PROM1: variants seen among roughly 807,000 people sequenced by gnomAD.
PROM1 encodes prominin-1.
PROM1 carries 105 observed loss-of-function variants against 116.9 expected under a neutral mutation model. The observed-to-expected ratio is 0.90, with a 90% confidence interval of 0.77 to 1.06. The LOEUF (loss-of-function observed/expected upper bound fraction) is 1.06. Ranked by LOEUF, PROM1 falls within the 50% of genes least tolerant of loss-of-function variation. The probability of loss-of-function intolerance (pLI) is 0.00; values close to 1 mark genes in which losing one functional copy is unlikely to be tolerated. For missense variants in PROM1, 1,122 were observed against 1,045.2 expected (o/e 1.07, Z -1.01); for synonymous variants, 393 against 387.0 (o/e 1.02, Z -0.18).
chr4:15,988,480 G>C (rs1382639749), intron 19 of PROM1, among the ~76,000 whole-genome samples: 1 of 152,218 alleles, frequency 6.6e-6, no homozygotes, highest in Non-Finnish European at 1.5e-5. Context: ...AGCAGCCACA[G>C]AGAGTTTGCA....
intron 13 of PROM1, among the ~76,000 whole-genome samples, chr4:16,001,409 C>T (rs1723813745): frequency 6.6e-6 from 1 of 152,104 alleles, no homozygotes; most frequent in Non-Finnish European, 1.5e-5. Flanking sequence ...GCAGCTTAGC[C>T]ATGGTCATTT....
chr4:15,998,347 A>G, intron 15 of PROM1, 38 bp downstream of exon 15: 1 of 1,523,904 alleles, frequency 6.6e-7, no homozygotes, highest in Non-Finnish European at 8.8e-7. Context: ...GAAAAAGAAC[A>G]TCTTAAATAG....
chr4:15,983,516 G>A (rs930633203), intron 23 of PROM1, among the ~76,000 whole-genome samples: 42 of 152,214 alleles, frequency 2.8e-4, no homozygotes, highest in Non-Finnish European at 4.4e-5. Context: ...AAGCGGAAGA[G>A]GAGAGAGAAA....
intron 13 of PROM1, 76 bp downstream of exon 13, chr4:16,006,462 A>C: frequency 6.8e-7 from 1 of 1,463,414 alleles, no homozygotes; most frequent in Non-Finnish European, 9.1e-7. Context: ...CGCCGGGTTC[A>C]TGTAACACCA....
intron 2 of PROM1, among the ~76,000 whole-genome samples, chr4:16,054,742 G>T (rs1002326387): frequency 3.3e-5 from 5 of 152,020 alleles, no homozygotes; most frequent in African/African-American, 1.2e-4. Flanking sequence ...CTTCAATCCA[G>T]CCAGATCCCC....
Position 15,978,366 on chromosome 4 carries a change from T to G in PROM1, c.2582+1029A>C, listed in dbSNP as rs530332612. 2.2e-4 allele frequency among the ~76,000 whole-genome samples: 33 copies of G among 152,340 alleles called. No homozygotes were observed. In the East Asian group the frequency reaches 6.0e-3, roughly 28 times the overall value. On this transcript the variant is annotated intron_variant, in intron 26 of 27. Transcript: ENST00000447510. ...ATTTACCTCTTGAAAGGACAAATTT[T>G]AATGACTTTCTGGTTCTGTTCATCT...
intron 2 of PROM1, among the ~76,000 whole-genome samples, chr4:16,075,384 T>A (rs1743735605): frequency 6.6e-6 from 1 of 152,220 alleles, no homozygotes; most frequent in African/African-American, 2.4e-5. Context: ...TTACCTTTGG[T>A]AAGTGCCTTA....
At chr4:16,018,655 G>A in intron 8 of PROM1, 115 bp from the exon 9 acceptor site, 1 of 864,220 alleles carries the variant, frequency 1.2e-6, no homozygotes, top group East Asian at 2.7e-5. Flanking sequence ...GCAGTGAGAG[G>A]GACACACTGC....
At chr4:15,980,041 G>A (rs935394533) in intron 24 of PROM1, 137 bp from the exon 25 acceptor site, 12 of 633,650 alleles carry the variant, frequency 1.9e-5, no homozygotes, top group Non-Finnish European at 2.7e-5. Flanking sequence ...TGAAAGATAA[G>A]TGAAGTGAAA....
At chr4:15,977,091 C>T (rs28368479) in intron 26 of PROM1, among the ~76,000 whole-genome samples, 3,348 of 152,274 alleles carry the variant, frequency 0.022, 119 homozygotes, top group African/African-American at 0.076. Context: ...ACTTCTCCCC[C>T]TTTTTTTCAC....
At chr4:15,994,470 T>C (rs1721826511) in intron 15 of PROM1, among the ~76,000 whole-genome samples, 1 of 152,210 alleles carries the variant, frequency 6.6e-6, no homozygotes, top group South Asian at 2.1e-4. Flanking sequence ...ATGAAGCTCC[T>C]GCCAAGAACA....
intron 8 of PROM1, among the ~76,000 whole-genome samples, chr4:16,020,817 C>T (rs1468375530): frequency 6.6e-6 from 1 of 152,098 alleles, no homozygotes. Flanking sequence ...ACATGTTTTC[C>T]AAAAGCTTCA....
intron 5 of PROM1, among the ~76,000 whole-genome samples, chr4:16,027,496 A>G (rs557734606): frequency 3.3e-5 from 5 of 152,280 alleles, no homozygotes; most frequent in Admixed American, 2.6e-4. Flanking sequence ...GATTCCAGAT[A>G]CAAGAAGTCA....
chr4:16,081,340 G>C (rs1226477051), intron 1 of PROM1, among the ~76,000 whole-genome samples: 2 of 152,008 alleles, frequency 1.3e-5, no homozygotes, highest in African/African-American at 4.8e-5. Flanking sequence ...AGCTGAAACT[G>C]GATCCCTTCC....
intron 24 of PROM1, 39 bp from the exon 25 acceptor site, chr4:15,979,943 T>TA (rs1560387856): frequency 8.0e-7 from 1 of 1,248,272 alleles, no homozygotes; most frequent in Non-Finnish European, 1.1e-6. Flanking sequence ...TTAATTTTTT[T>TA]AATTATTATG....
chr4:16,070,093 T>C (rs1742467426), intron 2 of PROM1, among the ~76,000 whole-genome samples: 1 of 152,214 alleles, frequency 6.6e-6, no homozygotes, highest in African/African-American at 2.4e-5. Context: ...TAGGCCAAAC[T>C]TAAAATATGT....
intron 2 of PROM1, among the ~76,000 whole-genome samples, chr4:16,043,169 A>G (rs1735732951): frequency 6.6e-6 from 1 of 152,172 alleles, no homozygotes. Context: ...TCTGAGACCC[A>G]CAGTGTGTGA....
chr4:15,978,611 G>A (rs769296468), intron 26 of PROM1, among the ~76,000 whole-genome samples: 9 of 152,188 alleles, frequency 5.9e-5, no homozygotes, highest in South Asian at 4.1e-4. Context: ...ATGCACCAAC[G>A]TTAGACTCAC....
chr4:16,022,511 T>C (rs1730161828), intron 8 of PROM1, among the ~76,000 whole-genome samples: 1 of 152,222 alleles, frequency 6.6e-6, no homozygotes, highest in Non-Finnish European at 1.5e-5. Flanking sequence ...GTCTCAGTTG[T>C]TGAACTATAA....
Sources: allele counts gnomAD v4.1 joint callset (sites outside exome capture counted in the v4.1 genomes callset), GRCh38; gene constraint gnomAD v4.1.1; transcripts MANE v1.5; gene names NCBI Gene and HGNC (gene_info 2026-07-23, HGNC 2026-07-21).